Variants in SMOC2 observed in about 807,000 individuals in gnomAD.
The protein encoded by SMOC2 is SPARC related modular calcium binding 2.
SMOC2 carries 39 observed loss-of-function variants against 61.4 expected under a neutral mutation model. That is an observed-to-expected ratio of 0.64 (90% confidence interval 0.49 to 0.83). The LOEUF (loss-of-function observed/expected upper bound fraction) is 0.83. SMOC2 is among the 40% of genes least tolerant of loss of function. The probability of loss-of-function intolerance (pLI) is 0.00; values close to 1 mark genes in which losing one functional copy is unlikely to be tolerated. For synonymous variants in SMOC2, 247 were observed against 239.9 expected, an observed-to-expected ratio of 1.03 and a Z score of -0.27; for missense variants, 556 against 592.9, an observed-to-expected ratio of 0.94 and a Z score of 0.65.
chr6:168,570,011 T>C (rs1445584686), intron 7 of SMOC2, among the ~76,000 whole-genome samples: 1 of 152,166 alleles, frequency 6.6e-6, no homozygotes, highest in Non-Finnish European at 1.5e-5. Context: ...CTGTGGTATA[T>C]TGGAGTTAAT....
chr6:168,547,553 A>T (rs1008906423), intron 6 of SMOC2, among the ~76,000 whole-genome samples: 2 of 152,212 alleles, frequency 1.3e-5, no homozygotes, highest in South Asian at 4.2e-4. Context: ...CATACCACAC[A>T]TCCAGCACAT....
chr6:168,442,212 G>C (rs556626035), intron 1 of SMOC2, among the ~76,000 whole-genome samples: 1 of 152,400 alleles, frequency 6.6e-6, no homozygotes, highest in South Asian at 2.1e-4. Flanking sequence ...GGGGCCTCTG[G>C]GTTCTTCCTC....
At chr6:168,518,634 TGA>T (rs1274543041) in intron 2 of SMOC2, among the ~76,000 whole-genome samples, 160 of 108,464 alleles carry the variant, frequency 1.5e-3, no homozygotes, top group East Asian at 5.5e-3. Flanking sequence ...AGTGCATGTG[TGA>T]GTGTATGCTT....
At position 168,509,756 on chromosome 6, in the gene SMOC2, A is replaced by T. The variant is rs902325641; in HGVS notation, c.85-159A>T. Among the ~76,000 whole-genome samples the T allele has an allele frequency of 3.3e-5, 5 of 152,218 alleles. No homozygotes were observed. In the East Asian group the frequency reaches 9.6e-4, roughly 29 times the overall value. ...AACAGATGATGGCTAAAATGTTCAG[A>T]GGTGCACGTGGCGCTTCTGGCAGGG... On this transcript the variant is annotated intron_variant, in intron 1 of 12. Coordinates refer to ENST00000356284, the MANE Select transcript of SMOC2 (RefSeq NM_001166412.2).
intron 6 of SMOC2, 90 bp from the exon 7 acceptor site, chr6:168,549,039 C>T: frequency 4.3e-6 from 4 of 934,422 alleles, no homozygotes; most frequent in East Asian, 4.8e-5. Flanking sequence ...TTTATTTTGG[C>T]TGTTGGACTA....
chr6:168,472,549 C>G (rs573064391), intron 1 of SMOC2, among the ~76,000 whole-genome samples: 2 of 152,238 alleles, frequency 1.3e-5, no homozygotes, highest in South Asian at 4.1e-4. Context: ...GGATGGGCAG[C>G]AGACTCTCAT....
In SMOC2 at chr6:168,480,538, C is replaced by T. The variant is rs543327760; in HGVS notation, c.85-29377C>T. Among the ~76,000 whole-genome samples, 18 of 151,844 alleles carry T rather than the reference C, an allele frequency of 1.2e-4. No homozygotes were observed. In the South Asian group the frequency reaches 3.7e-3, roughly 32 times the overall value. ...GCAGATGGAAGAAAGGATCAGCAAA[C>T]TTAAAGACAGGAAAATGGAAATCAC... On this transcript the variant is annotated intron_variant, in intron 1 of 12. Coordinates refer to ENST00000356284, the MANE Select transcript of SMOC2 (RefSeq NM_001166412.2).
intron 1 of SMOC2, among the ~76,000 whole-genome samples, chr6:168,456,236 C>T (rs2114998305): frequency 6.6e-6 from 1 of 152,376 alleles, no homozygotes; most frequent in African/African-American, 2.4e-5. Context: ...CCTAATGACA[C>T]AGCCTGGCTG....
chr6:168,565,810 G>A (rs994166980), intron 7 of SMOC2, among the ~76,000 whole-genome samples: 4 of 152,120 alleles, frequency 2.6e-5, no homozygotes, highest in East Asian at 1.9e-4. Flanking sequence ...AGTGAAAAAC[G>A]GCTTTACAAT....
At chr6:168,495,311 G>A (rs562438766) in intron 1 of SMOC2, among the ~76,000 whole-genome samples, 185 of 152,306 alleles carry the variant, frequency 1.2e-3, no homozygotes, top group Non-Finnish European at 2.1e-3. Flanking sequence ...AAAGCCCACC[G>A]TGGCAGGTGG....
intron 1 of SMOC2, among the ~76,000 whole-genome samples, chr6:168,446,981 G>T (rs1781345625): frequency 6.6e-6 from 1 of 152,176 alleles, no homozygotes; most frequent in East Asian, 1.9e-4. Context: ...CTTAAGAGAA[G>T]GCAAATGTCA....
chr6:168,447,185 G>C (rs1263804791), intron 1 of SMOC2, among the ~76,000 whole-genome samples: 2 of 152,118 alleles, frequency 1.3e-5, no homozygotes, highest in Non-Finnish European at 1.5e-5. Context: ...CCCTGCCTCA[G>C]CCTCCTGAGG....
chr6:168,568,224 C>T (rs370707625), intron 7 of SMOC2, among the ~76,000 whole-genome samples: 4 of 152,196 alleles, frequency 2.6e-5, no homozygotes, highest in South Asian at 2.1e-4. Flanking sequence ...TGGTGTGAGT[C>T]GGTGTCTCAT....
intron 1 of SMOC2, among the ~76,000 whole-genome samples, chr6:168,499,012 T>C (rs897161898): frequency 4.5e-4 from 64 of 141,324 alleles, no homozygotes; most frequent in Non-Finnish European, 7.4e-4. Flanking sequence ...ATGGAAACCC[T>C]GGGTCCTCCC....
At position 168,527,620 on chromosome 6, in the gene SMOC2, T is replaced by C. The variant is rs750667472; in HGVS notation, c.364-8T>C. 2.6e-6 allele frequency: 4 copies of C among 1,548,320 alleles called. No individual in the cohort carries two copies. In the South Asian group the frequency reaches 4.8e-5, roughly 18 times the overall value. The stretch of plus-strand genomic sequence containing the variant: ...GGGAGGGCTTACCCGTCCTGTGCTC[T>C]CTCGCAGGTCCAGTGTCACAGCTAC... On this transcript the variant is annotated splice_polypyrimidine_tract_variant and splice_region_variant and intron_variant, in intron 3 of 12. Coordinates refer to ENST00000356284, the MANE Select transcript of SMOC2 (RefSeq NM_001166412.2).
intron 12 of SMOC2, among the ~76,000 whole-genome samples, chr6:168,666,066 C>A (rs867581043): frequency 6.6e-6 from 1 of 151,744 alleles, no homozygotes; most frequent in African/African-American, 2.4e-5. Context: ...ATCAACTATG[C>A]CTTTATCAAA....
chr6:168,560,546 G>A lies in SMOC2; in HGVS notation c.637+11343G>A, dbSNP rs184038329. ...TTCTTGGAGGAGGTGTCATTTTCCT[G>A]CCCTGAGACACGAGGCTCTCACTGC... On this transcript the variant is annotated intron_variant, in intron 7 of 12. Transcript: ENST00000356284. Among the ~76,000 whole-genome samples, 768 of 140,012 alleles carry A rather than the reference G, an allele frequency of 5.5e-3. 17 individuals carry two copies. The highest frequency in any genetic ancestry group is 8.5e-3 in the South Asian group (36 of 4,224). 91.9% of individuals were successfully genotyped at this position (140,012 alleles called of 152,430 possible).
intron 9 of SMOC2, among the ~76,000 whole-genome samples, chr6:168,633,796 A>G (rs928377351): frequency 6.6e-6 from 1 of 152,170 alleles, no homozygotes; most frequent in Non-Finnish European, 1.5e-5. Context: ...GCACGGTGCT[A>G]TGGTTTGGCT....
chr6:168,457,360 C>T (rs1781609881), intron 1 of SMOC2, among the ~76,000 whole-genome samples: 1 of 152,330 alleles, frequency 6.6e-6, no homozygotes, highest in South Asian at 2.1e-4. Context: ...TCCAACCCCA[C>T]CTTCAACACA....
Sources: gnomAD v4.1 joint callset for allele counts (sites outside exome capture counted in the v4.1 genomes callset) on GRCh38, gnomAD v4.1.1 for gene constraint, MANE v1.5 for transcripts, NCBI Gene and HGNC (gene_info 2026-07-23, HGNC 2026-07-21) for gene names.